The following LEP variants were observed in gnomAD, a reference collection of about 807,000 sequenced individuals.
LEP encodes leptin, also known as leptin (murine obesity homolog).
Under a neutral mutation model 9.8 loss-of-function variants are expected in LEP, and 6 were observed. That is an observed-to-expected ratio of 0.61 (90% CI 0.34 to 1.21). The LOEUF (loss-of-function observed/expected upper bound fraction) is 1.21. LEP is among the 50% of genes most tolerant of loss of function. The pLI is 0.04. For missense variants in LEP, 134 were observed against 198.1 expected (o/e 0.68, Z 1.94); for synonymous variants, 112 against 81.7 (o/e 1.37, Z -2.00).
chr7:128,251,912 G>A, intron 1 of LEP, 79 bp from the exon 2 acceptor site: 1 of 1,153,364 alleles, frequency 8.7e-7, no homozygotes, highest in South Asian at 1.2e-5. Flanking sequence ...TCCCCGTCTG[G>A]TAATGTGGTT....
At chr7:128,247,208 G>A (rs945072012) in intron 1 of LEP, among the ~76,000 whole-genome samples, 2 of 152,102 alleles carry the variant, frequency 1.3e-5, no homozygotes, top group Non-Finnish European at 2.9e-5. Flanking sequence ...CCCAACCCAT[G>A]CTCTCCCCAT....
At chr7:128,243,010 C>G (rs1216875085) in intron 1 of LEP, among the ~76,000 whole-genome samples, 1 of 152,230 alleles carries the variant, frequency 6.6e-6, no homozygotes, top group East Asian at 1.9e-4. Context: ...GTCAGTTACC[C>G]CATCCCCACC....
At chr7:128,244,753 C>T (rs1039994446) in intron 1 of LEP, among the ~76,000 whole-genome samples, 4 of 152,198 alleles carry the variant, frequency 2.6e-5, no homozygotes, top group African/African-American at 9.7e-5. Flanking sequence ...CATACTCTGG[C>T]TCAGTGGCTA....
intron 1 of LEP, among the ~76,000 whole-genome samples, chr7:128,244,365 C>T (rs1382100240): frequency 6.6e-6 from 1 of 152,142 alleles, no homozygotes; most frequent in Non-Finnish European, 1.5e-5. Flanking sequence ...AATGTAACCC[C>T]TGTACTCACA....
intron 1 of LEP, among the ~76,000 whole-genome samples, chr7:128,246,683 G>A (rs1470702361): frequency 1.3e-5 from 2 of 151,676 alleles, no homozygotes; most frequent in Non-Finnish European, 2.9e-5. Context: ...GGCTGGTCTT[G>A]AACTCCTGGG....
intron 2 of LEP, 54 bp downstream of exon 2, chr7:128,252,216 C>G: frequency 6.3e-7 from 1 of 1,586,558 alleles, no homozygotes; most frequent in Non-Finnish European, 8.7e-7. Context: ...AGCACTGGCT[C>G]CTAGTGGCAC....
chr7:128,242,189 G>A (rs1238662786), intron 1 of LEP, among the ~76,000 whole-genome samples: 1 of 152,162 alleles, frequency 6.6e-6, no homozygotes, highest in Non-Finnish European at 1.5e-5. Flanking sequence ...AAGTGGCCTG[G>A]CTGTCATTTC....
intron 1 of LEP, among the ~76,000 whole-genome samples, chr7:128,244,854 G>A (rs28954087): frequency 1.1e-3 from 168 of 152,288 alleles, no homozygotes; most frequent in African/African-American, 3.9e-3. Flanking sequence ...AGATGAACTG[G>A]ACTCTCTGCA....
rs536449594 is a variant in LEP at position 128,257,200 on chromosome 7, C to T, written c.*2437C>T. On this transcript the variant is annotated 3_prime_UTR_variant, in exon 3 of 3. Coordinates refer to ENST00000308868, the MANE Select transcript of LEP (RefSeq NM_000230.3). ...GTCTTAAGCCTTTTGCTCACAAAAC[C>T]TGGCACAATGGCTAATTCCCAGAGT... 1 of 152,094 alleles carries T rather than the reference C, an allele frequency of 6.6e-6. No individual in the cohort carries two copies. Among genetic ancestry groups the T allele is most frequent in the East Asian group, 1.9e-4 (1 of 5,178 alleles). The allele number at this position is 152,094 out of a possible 1,614,324, so 9.4% of individuals were successfully genotyped here. A position where few individuals can be genotyped will look rare whatever the true frequency, so the allele number is the denominator to read the frequency against.
In LEP at chr7:128,250,692, T is replaced by C. The variant is rs1015687106; in HGVS notation, c.-28-1299T>C. Among the ~76,000 whole-genome samples, 94 of 152,212 alleles carry C rather than the reference T, an allele frequency of 6.2e-4. 1 individual carries two copies. The highest frequency in any genetic ancestry group is 8.1e-4 in the Non-Finnish European group (55 of 68,048). The stretch of plus-strand genomic sequence containing the variant: ...TTGTATTGCCAGAAATGAATCCTAC[T>C]AATATTGCCATCTATGGACAGAAAA... On this transcript the variant is annotated intron_variant, in intron 1 of 2. Coordinates refer to ENST00000308868, the MANE Select transcript of LEP (RefSeq NM_000230.3).
At chr7:128,244,101 T>G (rs990906036) in intron 1 of LEP, among the ~76,000 whole-genome samples, 3 of 147,124 alleles carry the variant, frequency 2.0e-5, no homozygotes, top group African/African-American at 7.8e-5. Context: ...AAAAAAAAAG[T>G]AACTGGATGT....
chr7:128,249,349 C>T (rs1363220399), intron 1 of LEP, among the ~76,000 whole-genome samples: 1 of 152,248 alleles, frequency 6.6e-6, no homozygotes, highest in Non-Finnish European at 1.5e-5. Flanking sequence ...GCTCCTGCAG[C>T]TCCCTGCCCT....
At position 128,254,873 on chromosome 7, in the gene LEP, C is replaced by T; in HGVS notation, c.*110C>T. ...GCATGGACACCCCTTATCCAGGACT[C>T]TGTCAATTTCCCTGACTCCTCTAAG... On this transcript the variant is annotated 3_prime_UTR_variant, in exon 3 of 3. Transcript: ENST00000308868. The T allele has an allele frequency of 1.6e-6, 2 of 1,248,868 alleles. No individual in the cohort carries two copies. Among genetic ancestry groups the T allele is most frequent in the East Asian group, 4.9e-5 (2 of 41,086 alleles). 77.4% of individuals were successfully genotyped at this position (1,248,868 alleles called of 1,614,324 possible). A position where few individuals can be genotyped will look rare whatever the true frequency, so the allele number is the denominator to read the frequency against.
chr7:128,242,802 C>A (rs896201442), intron 1 of LEP, among the ~76,000 whole-genome samples: 1 of 152,208 alleles, frequency 6.6e-6, no homozygotes, highest in African/African-American at 2.4e-5. Context: ...ATGCCTTGCA[C>A]GTCTGAGTGG....
At position 128,255,778 on chromosome 7, in the gene LEP, T is replaced by C. The variant is rs1795331930; in HGVS notation, c.*1015T>C. Reference sequence around the variant, plus strand: ...TTGTGAGGCCTGGCCAGGCACCCCCTGGAGAGAAGTTTCTGGCCCTGGCTG... The same window carrying C: ...TTGTGAGGCCTGGCCAGGCACCCCCCGGAGAGAAGTTTCTGGCCCTGGCTG... On this transcript the variant is annotated 3_prime_UTR_variant, in exon 3 of 3. Transcript: ENST00000308868. The C allele has an allele frequency of 6.6e-6, 1 of 152,160 alleles. No homozygotes were observed. Among genetic ancestry groups the C allele is most frequent in the Non-Finnish European group, 1.5e-5 (1 of 68,020 alleles). 9.4% of individuals were successfully genotyped at this position (152,160 alleles called of 1,614,324 possible).
rs192659102 is a variant in LEP at position 128,244,737 on chromosome 7, G to A, written c.-29+3431G>A. On this transcript the variant is annotated intron_variant, in intron 1 of 2. Transcript: ENST00000308868. ...AAGAAGGCTAGGAAGGAGCACAGGC[G>A]GTGACCATACTCTGGCTCAGTGGCT... 9.1e-4 allele frequency among the ~76,000 whole-genome samples: 139 copies of A among 152,288 alleles called. 1 individual carries two copies. The highest frequency in any genetic ancestry group is 1.7e-3 in the Non-Finnish European group (116 of 67,994).
At chr7:128,251,067 C>T (rs1360262618) in intron 1 of LEP, among the ~76,000 whole-genome samples, 1 of 152,200 alleles carries the variant, frequency 6.6e-6, no homozygotes, top group Non-Finnish European at 1.5e-5. Flanking sequence ...GATTTCTCAG[C>T]CACTATGGCA....
At chr7:128,241,790 T>A (rs1234401068) in intron 1 of LEP, among the ~76,000 whole-genome samples, 1 of 152,142 alleles carries the variant, frequency 6.6e-6, no homozygotes, top group African/African-American at 2.4e-5. Context: ...GACCTCTGAA[T>A]GAGAGGGGCT....
intron 1 of LEP, among the ~76,000 whole-genome samples, chr7:128,242,799 G>A (rs1438658024): frequency 6.6e-6 from 1 of 152,230 alleles, no homozygotes; most frequent in Non-Finnish European, 1.5e-5. Flanking sequence ...CAGATGCCTT[G>A]CACGTCTGAG....
Sources: allele counts gnomAD v4.1 joint callset (sites outside exome capture counted in the v4.1 genomes callset), GRCh38; gene constraint gnomAD v4.1.1; transcripts MANE v1.5; gene names NCBI Gene and HGNC (gene_info 2026-07-23, HGNC 2026-07-21).